The following COL23A1 variants were observed in gnomAD, a reference collection of about 807,000 sequenced individuals.
COL23A1 encodes the protein collagen alpha-1(XXIII) chain.
A neutral mutation model predicts 99.3 loss-of-function variants in COL23A1; 97 were observed. The ratio of observed to expected loss-of-function variants is 0.98; its 90% CI spans 0.83 to 1.16. The LOEUF is 1.16. Ranked by LOEUF, COL23A1 falls within the 50% of genes most tolerant of loss-of-function variation. COL23A1 has a pLI of 0.00. For missense variants in COL23A1, 762 were observed against 757.4 expected, an observed-to-expected ratio of 1.01 and a Z score of -0.07; for synonymous variants, 320 against 308.2, an observed-to-expected ratio of 1.04 and a Z score of -0.40.
At position 178,306,982 on chromosome 5, in the gene COL23A1, G is replaced by T. The variant is rs1758393292; in HGVS notation, c.362-63C>A. The T allele has an allele frequency of 1.6e-6, 2 of 1,238,016 alleles. No individual in the cohort carries two copies. The highest frequency in any genetic ancestry group is 2.2e-6 in the Non-Finnish European group (2 of 924,894). 76.7% of individuals were successfully genotyped at this position (1,238,016 alleles called of 1,614,324 possible). ...AAGCCAGTGGACTTGGCTGCGTGGG[G>T]CATGCCCCAGCCACCCACCTGTCCG... On this transcript the variant is annotated intron_variant, in intron 2 of 28. Transcript: ENST00000390654. The surrounding 1 kb of genome is among the most constrained non-coding windows in gnomAD (Gnocchi z 4.1).
In COL23A1 at chr5:178,313,832, G is replaced by T. The variant is rs1343215633; in HGVS notation, c.362-6913C>A. 6.6e-6 allele frequency among the ~76,000 whole-genome samples: 1 copy of T among 152,124 alleles called. No homozygotes were observed. Among genetic ancestry groups the T allele is most frequent in the Non-Finnish European group, 1.5e-5 (1 of 68,022 alleles). ...GCTGGGGCTTCAGGGCCATCAGGGG[G>T]TGCACCTTGAGCAGAGAAGGCAAGC... On this transcript the variant is annotated intron_variant, in intron 2 of 28. Transcript: ENST00000390654. The surrounding 1 kb of genome is among the most constrained non-coding windows in gnomAD (Gnocchi z 4.2).
At position 178,322,324 on chromosome 5, in the gene COL23A1, G is replaced by A. The variant is rs564882142; in HGVS notation, c.362-15405C>T. 1.1e-4 allele frequency among the ~76,000 whole-genome samples: 17 copies of A among 152,252 alleles called. No homozygotes were observed. In the South Asian group the frequency reaches 3.3e-3, roughly 30 times the overall value. Reference sequence around the variant, plus strand: ...ATTTTTTTTGTATTTTAGTAGAGACGGGGTTTCGCCATGTTGGTCAGGCTG... The same window carrying A: ...ATTTTTTTTGTATTTTAGTAGAGACAGGGTTTCGCCATGTTGGTCAGGCTG... On this transcript the variant is annotated intron_variant, in intron 2 of 28. Coordinates refer to ENST00000390654, the MANE Select transcript of COL23A1 (RefSeq NM_173465.4).
At chr5:178,565,070 A>G (rs922920749) in intron 1 of COL23A1, among the ~76,000 whole-genome samples, 3 of 152,204 alleles carry the variant, frequency 2.0e-5, no homozygotes, top group African/African-American at 7.2e-5. Context: ...GATTATGAAG[A>G]CTGTGTAGCA....
At chr5:178,562,607 G>A (rs1762636460) in intron 1 of COL23A1, 1 of 151,816 alleles carries the variant, frequency 6.6e-6, no homozygotes, top group African/African-American at 2.4e-5. Flanking sequence ...CCTTCCTGGT[G>A]AGTGTTACAG....
At chr5:178,288,033 G>A (rs891460454) in intron 5 of COL23A1, among the ~76,000 whole-genome samples, 5 of 152,188 alleles carry the variant, frequency 3.3e-5, no homozygotes, top group African/African-American at 7.2e-5. Flanking sequence ...GCCACAGTGC[G>A]GGGGCTGGAC....
intron 2 of COL23A1, among the ~76,000 whole-genome samples, chr5:178,491,163 A>T (rs1757914542): frequency 6.6e-6 from 1 of 151,550 alleles, no homozygotes; most frequent in Non-Finnish European, 1.5e-5. Flanking sequence ...AGAGAGAGAA[A>T]GGGAAAGAGA....
At chr5:178,240,230 CAT>C (rs1290123951) in intron 27 of COL23A1, among the ~76,000 whole-genome samples, 1 of 152,208 alleles carries the variant, frequency 6.6e-6, no homozygotes, top group African/African-American at 2.4e-5. Context: ...AGGCGCAAAA[CAT>C]GTCATTCTGT....
At chr5:178,451,582 G>A (rs1439721284) in intron 2 of COL23A1, among the ~76,000 whole-genome samples, 13 of 150,942 alleles carry the variant, frequency 8.6e-5, no homozygotes, top group Non-Finnish European at 1.9e-4. Context: ...GCTTGAACCC[G>A]GGAGGCAGAG....
At chr5:178,342,671 C>A (rs1395639601) in intron 2 of COL23A1, among the ~76,000 whole-genome samples, 1 of 152,172 alleles carries the variant, frequency 6.6e-6, no homozygotes, top group African/African-American at 2.4e-5. Context: ...ATGATGTGTA[C>A]AGGATAATGC....
intron 2 of COL23A1, among the ~76,000 whole-genome samples, chr5:178,375,172 C>T (rs1231720230): frequency 6.6e-6 from 1 of 151,980 alleles, no homozygotes; most frequent in Non-Finnish European, 1.5e-5. Flanking sequence ...CACAGAAGGT[C>T]ACACGCTGCA....
rs886119058 is a variant in COL23A1, at chr5:178,265,743, T to G, written c.522+1564A>C. 1.2e-5 allele frequency: 12 copies of G among 983,784 alleles called. No individual in the cohort carries two copies. The African/African-American group carries it at 2.1e-4, about 17-fold the overall frequency. The allele number at this position is 983,784 out of a possible 1,614,324, so 60.9% of individuals were successfully genotyped here. A position where few individuals can be genotyped will look rare whatever the true frequency, so the allele number is the denominator to read the frequency against. On this transcript the variant is annotated intron_variant, in intron 8 of 28. Transcript: ENST00000390654. Reference sequence around the variant, plus strand: ...GAAAACCATCTAGTCAGCAGATAGGTTGTGTGGTCAGAAAGGCAGGAAGGT... The same window carrying G: ...GAAAACCATCTAGTCAGCAGATAGGGTGTGTGGTCAGAAAGGCAGGAAGGT...
In COL23A1 at chr5:178,242,371, C is replaced by T; in HGVS notation, c.1464G>A (p.Glu488=). 6.2e-7 allele frequency: 1 copy of T among 1,614,154 alleles called. No homozygotes were observed. The highest frequency in any genetic ancestry group is 8.5e-7 in the Non-Finnish European group (1 of 1,180,024). ...CTCCACGCTCGCTCCGATCACCTTT[C>T]TCTCCTCGGGGTCCAGGGAAACCCT... The part of the protein sequence containing the change: ...GLDGFPGPRG[E]KGDRSERGEK... Residue 488 remains glutamate, a synonymous_variant, in exon 26 of 29, where the codon GAG becomes GAA. Coordinates refer to ENST00000390654, the MANE Select transcript of COL23A1 (RefSeq NM_173465.4).
intron 3 of COL23A1, among the ~76,000 whole-genome samples, chr5:178,292,132 C>A (rs55862729): frequency 0.063 from 9,651 of 152,192 alleles, 416 homozygotes; most frequent in East Asian, 0.083. Flanking sequence ...CCCGTGCCTG[C>A]GCCTGCATCT....
At chr5:178,494,300 C>T (rs1006044490) in intron 2 of COL23A1, among the ~76,000 whole-genome samples, 11 of 152,194 alleles carry the variant, frequency 7.2e-5, no homozygotes, top group African/African-American at 2.7e-4. Flanking sequence ...GCACACAGCC[C>T]TTCCTAGGAG....
At chr5:178,444,818 T>C (rs966651451) in intron 2 of COL23A1, among the ~76,000 whole-genome samples, 1 of 151,868 alleles carries the variant, frequency 6.6e-6, no homozygotes, top group Admixed American at 6.6e-5. Flanking sequence ...AACAAACAAA[T>C]AAAAAAACCC....
intron 1 of COL23A1, among the ~76,000 whole-genome samples, chr5:178,565,207 C>A (rs961711501): frequency 1.3e-5 from 2 of 152,250 alleles, no homozygotes; most frequent in Non-Finnish European, 2.9e-5. Context: ...TTTCTTCTTT[C>A]TGGGCTGTTG....
chr5:178,466,197 C>CT (rs1418969398), intron 2 of COL23A1, among the ~76,000 whole-genome samples: 1 of 152,162 alleles, frequency 6.6e-6, no homozygotes, highest in East Asian at 1.9e-4. Flanking sequence ...CTCCTCCCTC[C>CT]TCTCGGCCTC....
chr5:178,486,079 A>T (rs947825195), intron 2 of COL23A1, among the ~76,000 whole-genome samples: 1 of 152,262 alleles, frequency 6.6e-6, no homozygotes, highest in African/African-American at 2.4e-5. Context: ...AACTGTTTGA[A>T]ATGACCTGGT....
intron 2 of COL23A1, among the ~76,000 whole-genome samples, chr5:178,421,979 C>A (rs1296218778): frequency 6.6e-6 from 1 of 152,170 alleles, no homozygotes; most frequent in Non-Finnish European, 1.5e-5. Context: ...GCCCAGGGGG[C>A]CTCCCAGCCC....
Sources: gnomAD v4.1 joint callset for allele counts (sites outside exome capture counted in the v4.1 genomes callset) on GRCh38, gnomAD v4.1.1 for gene constraint, Gnocchi (gnomAD v3.1) non-coding constraint, MANE v1.5 for transcripts, NCBI Gene and HGNC (gene_info 2026-07-23, HGNC 2026-07-21) for gene names.